The following AKAP10 variants were observed in gnomAD, a reference collection of about 807,000 sequenced individuals.
AKAP10 encodes the protein A-kinase anchor protein 10, mitochondrial.
AKAP10 carries 24 observed loss-of-function variants against 80.8 expected under a neutral mutation model. That is an observed-to-expected ratio of 0.30 (90% CI 0.22 to 0.42). The LOEUF is 0.42. Among genes scored for constraint, AKAP10 ranks in the 10% least tolerant of loss-of-function variants. The probability of loss-of-function intolerance (pLI) is 1.00; values close to 1 mark genes in which losing one functional copy is unlikely to be tolerated. For missense variants in AKAP10, 661 were observed against 794.9 expected (o/e 0.83, Z 2.03); for synonymous variants, 291 against 277.7 (o/e 1.05, Z -0.48).
intron 12 of AKAP10, among the ~76,000 whole-genome samples, chr17:19,918,224 C>CAAAA (rs559332326): frequency 2.3e-5 from 2 of 86,052 alleles, no homozygotes; most frequent in African/African-American, 4.0e-5. Flanking sequence ...CCGTCTCAAA[C>CAAAA]AAAAAAAAAA....
At chr17:19,970,758 G>A (rs962369385) in intron 1 of AKAP10, among the ~76,000 whole-genome samples, 4 of 152,080 alleles carry the variant, frequency 2.6e-5, no homozygotes, top group Non-Finnish European at 5.9e-5. Flanking sequence ...GGGAGGCCGA[G>A]ATTGCGGTGA....
intron 11 of AKAP10, among the ~76,000 whole-genome samples, chr17:19,921,174 CTTT>C (rs939131979): frequency 6.9e-6 from 1 of 144,430 alleles, no homozygotes; most frequent in African/African-American, 2.5e-5. Flanking sequence ...CTGAAGTATT[CTTT>C]TTTTTTTTTG....
chr17:19,932,719 T>C (rs910236797), intron 9 of AKAP10, among the ~76,000 whole-genome samples: 7 of 152,210 alleles, frequency 4.6e-5, no homozygotes, highest in African/African-American at 1.4e-4. Context: ...TTAATATATA[T>C]GGTCACTTTA....
At chr17:19,944,517 T>C (rs1167594987) in intron 5 of AKAP10, among the ~76,000 whole-genome samples, 1 of 150,150 alleles carries the variant, frequency 6.7e-6, no homozygotes, top group Non-Finnish European at 1.5e-5. Flanking sequence ...TAGCCAGGCG[T>C]GGTGGCGAGC....
chr17:19,959,982 C>G (rs2043328762), intron 3 of AKAP10, among the ~76,000 whole-genome samples: 1 of 152,294 alleles, frequency 6.6e-6, no homozygotes, highest in Non-Finnish European at 1.5e-5. Flanking sequence ...CATGGTCGCT[C>G]ACGCCTGTAA....
chr17:19,944,375 T>C (rs1328380974), intron 5 of AKAP10, among the ~76,000 whole-genome samples: 2 of 152,150 alleles, frequency 1.3e-5, no homozygotes, highest in African/African-American at 4.8e-5. Context: ...ACACACTTTA[T>C]ATGCTTATAT....
At chr17:19,927,998 T>A (rs2042892785) in intron 10 of AKAP10, among the ~76,000 whole-genome samples, 1 of 151,790 alleles carries the variant, frequency 6.6e-6, no homozygotes, top group African/African-American at 2.4e-5. Context: ...GGCAGGCAGA[T>A]CACCTGAGGT....
chr17:19,924,768 T>C (rs2152411806), intron 10 of AKAP10, among the ~76,000 whole-genome samples: 1 of 152,222 alleles, frequency 6.6e-6, no homozygotes, highest in East Asian at 1.9e-4. Flanking sequence ...TAGGTTGAAG[T>C]GCAATGGCGC....
chr17:19,970,244 T>C (rs1454956648), intron 1 of AKAP10, among the ~76,000 whole-genome samples: 3 of 152,140 alleles, frequency 2.0e-5, no homozygotes, highest in Non-Finnish European at 4.4e-5. Flanking sequence ...ATTCCGGAAG[T>C]CATCCTTAAC....
At position 19,946,257 on chromosome 17, in the gene AKAP10, ATATATATATATATATATATTTTTTTTT is replaced by A. The variant is rs1567765818; in HGVS notation, c.976+1123_976+1149del. Among the ~76,000 whole-genome samples the A allele has an allele frequency of 1.0e-3, 23 of 22,720 alleles. 2 individuals carry two copies. Among genetic ancestry groups the A allele is most frequent in the African/African-American group, 4.1e-3 (22 of 5,430 alleles). 14.9% of individuals were successfully genotyped at this position (22,720 alleles called of 152,430 possible). On this transcript the variant is annotated intron_variant, in intron 5 of 14. Transcript: ENST00000225737. ...ATATATTATATATATATATATATATATATATATATATATATATATTTTTTTTTTTTTTTTTTTTTTTTGGCAGGGGGT... is the reference window on the plus strand; with the variant it reads ...ATATATTATATATATATATATATATATTTTTTTTTTTTTTTGGCAGGGGGT...
intron 12 of AKAP10, 37 bp from the exon 13 acceptor site, chr17:19,910,015 G>A: frequency 6.3e-7 from 1 of 1,595,344 alleles, no homozygotes; most frequent in Non-Finnish European, 8.6e-7. Context: ...TACATTTCAT[G>A]CATAATTTTA....
chr17:19,944,356 T>C (rs2043080834), intron 5 of AKAP10, among the ~76,000 whole-genome samples: 1 of 152,164 alleles, frequency 6.6e-6, no homozygotes, highest in Admixed American at 6.5e-5. Context: ...TACCTGTTTG[T>C]ATGCTATAAC....
chr17:19,948,995 T>A (rs1188058964), intron 4 of AKAP10, among the ~76,000 whole-genome samples: 1 of 152,152 alleles, frequency 6.6e-6, no homozygotes, highest in African/African-American at 2.4e-5. Flanking sequence ...AGATTCAGAA[T>A]CATGTAACGT....
rs972709859 is a variant in AKAP10, at chr17:19,905,208, CAGTGAGTGAGTCTCTTACTA to C, written c.*999_*1018del. The C allele has an allele frequency of 1.3e-5, 2 of 151,946 alleles. No homozygotes were observed. Among genetic ancestry groups the C allele is most frequent in the African/African-American group, 2.4e-5 (1 of 41,352 alleles). The allele number at this position is 151,946 out of a possible 1,614,324, so 9.4% of individuals were successfully genotyped here. A position where few individuals can be genotyped will look rare whatever the true frequency, so the allele number is the denominator to read the frequency against. On this transcript the variant is annotated 3_prime_UTR_variant, in exon 15 of 15. Transcript: ENST00000225737. ...TGCAGAAGCCAACTGAGCAGAAGTGCAGTGAGTGAGTCTCTTACTATCCTAAAGAAAGGAGAAGAAAGACG... is the reference window on the plus strand; with the variant it reads ...TGCAGAAGCCAACTGAGCAGAAGTGCTCCTAAAGAAAGGAGAAGAAAGACG...
At chr17:19,924,762 T>A (rs906059586) in intron 10 of AKAP10, among the ~76,000 whole-genome samples, 2 of 151,980 alleles carry the variant, frequency 1.3e-5, no homozygotes, top group Non-Finnish European at 2.9e-5. Context: ...AATTCCTAGG[T>A]TGAAGTGCAA....
intron 3 of AKAP10, among the ~76,000 whole-genome samples, chr17:19,960,011 C>G (rs150891490): frequency 1.5e-3 from 227 of 152,276 alleles, no homozygotes; most frequent in African/African-American, 4.8e-3. Context: ...CTTTAGGAGG[C>G]TGGGGCAGGC....
At chr17:19,932,843 T>C (rs946455836) in intron 9 of AKAP10, among the ~76,000 whole-genome samples, 1 of 152,110 alleles carries the variant, frequency 6.6e-6, no homozygotes, top group Non-Finnish European at 1.5e-5. Flanking sequence ...TACATAGATG[T>C]TTTTATTTAC....
At position 19,936,775 on chromosome 17, in the gene AKAP10, A is replaced by G. The variant is rs149223845; in HGVS notation, c.1323-345T>C. 2.6e-3 allele frequency among the ~76,000 whole-genome samples: 403 copies of G among 152,360 alleles called. 1 individual carries two copies. The highest frequency in any genetic ancestry group is 9.2e-3 in the African/African-American group (381 of 41,588). On this transcript the variant is annotated intron_variant, in intron 8 of 14. Transcript: ENST00000225737. The stretch of plus-strand genomic sequence containing the variant: ...CTATTCTCTGTTGAGGACTTGATAG[A>G]TAGAAAGGAATTTATAGGAAAGGAA...
Position 19,958,557 on chromosome 17 carries a change from C to G in AKAP10, c.334G>C (p.Asp112His), listed in dbSNP as rs757470641. ...GATTTGGTCTCTTGAGTCTGGTAGTCCAGACAAGATCTGCCTAAAAGATAG... is the reference window on the plus strand; with the variant it reads ...GATTTGGTCTCTTGAGTCTGGTAGTGCAGACAAGATCTGCCTAAAAGATAG... ...HFGDLGRSCL[D>H]YQTQETKSSL... Residue 112 changes from aspartate to histidine, a missense_variant, in exon 4 of 15, where the codon GAC becomes CAC. Transcript: ENST00000225737. 2 of 1,600,030 alleles carry G rather than the reference C, an allele frequency of 1.2e-6. No individual in the cohort carries two copies. Among genetic ancestry groups the G allele is most frequent in the Non-Finnish European group, 1.7e-6 (2 of 1,177,488 alleles).
Sources: allele counts gnomAD v4.1 joint callset (sites outside exome capture counted in the v4.1 genomes callset), GRCh38; gene constraint gnomAD v4.1.1; transcripts MANE v1.5; gene names NCBI Gene and HGNC (gene_info 2026-07-23, HGNC 2026-07-21).